The following PAK1 variants were observed in gnomAD, a reference collection of about 807,000 sequenced individuals.
PAK1 encodes serine/threonine-protein kinase PAK 1.
Under a neutral mutation model 67.4 loss-of-function variants are expected in PAK1, and 29 were observed. The ratio of observed to expected loss-of-function variants is 0.43; its 90% CI spans 0.32 to 0.59. PAK1 has a LOEUF of 0.59. Ranked by LOEUF, PAK1 falls within the 20% of genes least tolerant of loss-of-function variation. The pLI is 0.07. For missense variants in PAK1, 337 were observed against 670.7 expected (o/e 0.50, Z 5.50); for synonymous variants, 223 against 237.4 (o/e 0.94, Z 0.56).
At chr11:77,519,903 A>G in the PAK1 span, among the ~76,000 whole-genome samples, 1 of 152,240 alleles carries the variant, frequency 6.6e-6, no homozygotes, top group Admixed American at 6.5e-5. Context: ...AAGACTCAAC[A>G]AAGCAAGATG....
chr11:77,441,009 A>C (rs903485468), intron 1 of PAK1, among the ~76,000 whole-genome samples: 2 of 152,142 alleles, frequency 1.3e-5, no homozygotes, highest in African/African-American at 4.8e-5. Flanking sequence ...ACCAACTTAG[A>C]AGACCAGTCC....
intron 1 of PAK1, among the ~76,000 whole-genome samples, chr11:77,438,735 T>C (rs1395644258): frequency 2.0e-5 from 3 of 152,198 alleles, no homozygotes; most frequent in Admixed American, 6.5e-5. Context: ...GTCAGTTCTG[T>C]CACAGAACCT....
At chr11:77,529,091 A>C in the PAK1 span, among the ~76,000 whole-genome samples, 216 of 152,292 alleles carry the variant, frequency 1.4e-3, no homozygotes, top group Non-Finnish European at 2.4e-3. Context: ...TTAGGGATTA[A>C]GTTCATTTTT....
intron 1 of PAK1, among the ~76,000 whole-genome samples, chr11:77,446,593 G>A (rs1482030870): frequency 6.7e-6 from 1 of 150,060 alleles, no homozygotes; most frequent in Non-Finnish European, 1.5e-5. Flanking sequence ...TTTGAATCCA[G>A]AACATCTCAT....
At chr11:77,489,412 TCTCTC>T in the PAK1 span, among the ~76,000 whole-genome samples, 1 of 150,270 alleles carries the variant, frequency 6.7e-6, no homozygotes, top group Non-Finnish European at 1.5e-5. Context: ...TCCTCTCTCC[TCTCTC>T]CTCTCTCTCT....
At chr11:77,482,707 C>T in the PAK1 span, among the ~76,000 whole-genome samples, 1 of 151,798 alleles carries the variant, frequency 6.6e-6, no homozygotes, top group Non-Finnish European at 1.5e-5. Flanking sequence ...AATCCTCCCA[C>T]CTCAGCCTTC....
chr11:77,338,832 A>G (rs1943138538), intron 11 of PAK1, among the ~76,000 whole-genome samples: 1 of 152,184 alleles, frequency 6.6e-6, no homozygotes, highest in South Asian at 2.1e-4. Flanking sequence ...CAAAAGAGCA[A>G]ATATTACATG....
intron 10 of PAK1, among the ~76,000 whole-genome samples, chr11:77,343,058 A>AT (rs531894676): frequency 1.5e-3 from 227 of 152,200 alleles, no homozygotes; most frequent in Non-Finnish European, 2.3e-3. Flanking sequence ...TAAAATATGG[A>AT]TAAAAAAACC....
At chr11:77,438,552 A>G (rs913489342) in intron 1 of PAK1, among the ~76,000 whole-genome samples, 2 of 152,184 alleles carry the variant, frequency 1.3e-5, no homozygotes, top group Admixed American at 1.3e-4. Flanking sequence ...ATATTTTTAG[A>G]CTGAAATCTG....
At chr11:77,353,896 G>C (rs974310262) in intron 7 of PAK1, among the ~76,000 whole-genome samples, 6 of 152,128 alleles carry the variant, frequency 3.9e-5, no homozygotes, top group Admixed American at 2.6e-4. Context: ...GCCATATGTT[G>C]TGTTAGGAAT....
intron 6 of PAK1, 149 bp from the exon 7 acceptor site, chr11:77,355,991 G>C: frequency 1.7e-6 from 1 of 588,642 alleles, no homozygotes. Context: ...CCTCCTCTGT[G>C]CCCAGGCCCA....
intron 1 of PAK1, among the ~76,000 whole-genome samples, chr11:77,466,436 T>C (rs950846842): frequency 1.3e-5 from 2 of 152,056 alleles, no homozygotes; most frequent in Non-Finnish European, 2.9e-5. Context: ...ACCCTGTCTC[T>C]ACTAAAAATA....
At chr11:77,330,512 G>C (rs985883414) in intron 14 of PAK1, among the ~76,000 whole-genome samples, 34 of 152,190 alleles carry the variant, frequency 2.2e-4, no homozygotes, top group Non-Finnish European at 4.4e-4. Flanking sequence ...TTTGACAAAC[G>C]TGACAAAAAC....
intron 11 of PAK1, among the ~76,000 whole-genome samples, chr11:77,338,795 TGCTA>T (rs1943133305): frequency 6.6e-6 from 1 of 152,142 alleles, no homozygotes; most frequent in Admixed American, 6.6e-5. Context: ...TGAAACATAA[TGCTA>T]GCTAAGTAAA....
intron 14 of PAK1, among the ~76,000 whole-genome samples, chr11:77,330,915 C>T (rs1297772360): frequency 1.3e-5 from 2 of 152,144 alleles, no homozygotes; most frequent in African/African-American, 4.8e-5. Context: ...CCAGAATCTA[C>T]AACGAACTCA....
the PAK1 span, among the ~76,000 whole-genome samples, chr11:77,482,885 C>T: frequency 2.0e-5 from 3 of 152,204 alleles, no homozygotes; most frequent in East Asian, 5.8e-4. Flanking sequence ...AGATTACAGG[C>T]ATGAGCCACC....
chr11:77,363,123 T>C (rs1947027541), intron 5 of PAK1, among the ~76,000 whole-genome samples: 1 of 152,066 alleles, frequency 6.6e-6, no homozygotes, highest in Non-Finnish European at 1.5e-5. Context: ...CCTAAGGAAA[T>C]TTTGGGTGGC....
chr11:77,426,872 T>C (rs1476500402), intron 1 of PAK1, among the ~76,000 whole-genome samples: 1 of 146,868 alleles, frequency 6.8e-6, no homozygotes, highest in Non-Finnish European at 1.5e-5. Flanking sequence ...TTCGGTGCTA[T>C]GATTATGAAA....
At chr11:77,501,145 C>T in the PAK1 span, among the ~76,000 whole-genome samples, 2 of 116,170 alleles carry the variant, frequency 1.7e-5, no homozygotes, top group East Asian at 5.6e-4. Context: ...AGCGAGACTC[C>T]GTCTCAAAAA....
Sources: allele counts gnomAD v4.1 joint callset (sites outside exome capture counted in the v4.1 genomes callset), GRCh38; gene constraint gnomAD v4.1.1; transcripts MANE v1.5; gene names NCBI Gene and HGNC (gene_info 2026-07-23, HGNC 2026-07-21).